The following SYN3 variants were observed in gnomAD, a reference collection of about 807,000 sequenced individuals.
SYN3 encodes synapsin III.
SYN3 carries 35 observed loss-of-function variants against 65.8 expected under a neutral mutation model. The ratio of observed to expected loss-of-function variants is 0.53; its 90% CI spans 0.41 to 0.70. SYN3 has a LOEUF of 0.70. SYN3 is among the 30% of genes least tolerant of loss of function. The pLI is 0.00. For synonymous variants in SYN3, 270 were observed against 292.9 expected (o/e 0.92, Z 0.80); for missense variants, 680 against 749.0 (o/e 0.91, Z 1.08).
rs112120878 is a variant in SYN3, at chr22:32,941,662, C to T, written c.370-10181G>A. Among the ~76,000 whole-genome samples the T allele has an allele frequency of 5.1e-4, 77 of 152,250 alleles. 1 individual carries two copies. The South Asian group carries it at 0.012, about 25-fold the overall frequency. ...AAGCAGGGCGAGGCATCGCCTCACC[C>T]GGGAAGCGCAAGGGGTAAGGGAATT... On this transcript the variant is annotated intron_variant, in intron 3 of 13. Transcript: ENST00000358763.
At chr22:32,652,199 G>A (rs552707384) in intron 6 of SYN3, among the ~76,000 whole-genome samples, 3 of 152,040 alleles carry the variant, frequency 2.0e-5, no homozygotes, top group East Asian at 3.9e-4. Flanking sequence ...TCTCCTCCCC[G>A]CTAGTCCCCA....
intron 3 of SYN3, among the ~76,000 whole-genome samples, chr22:32,958,848 C>T (rs376762910): frequency 2.6e-5 from 4 of 151,928 alleles, no homozygotes; most frequent in Non-Finnish European, 5.9e-5. Flanking sequence ...TTCCAACATG[C>T]GGCAAAGTCC....
chr22:32,976,994 T>TG (rs133920), intron 3 of SYN3, among the ~76,000 whole-genome samples: 7,621 of 148,406 alleles, frequency 0.051, 204 homozygotes, highest in South Asian at 0.079. Context: ...GTGAGATTCC[T>TG]GGGGGGGGGG....
intron 12 of SYN3, chr22:32,527,571 G>T: frequency 5.0e-6 from 1 of 201,642 alleles, no homozygotes; most frequent in East Asian, 1.6e-4. Context: ...CTGCACTCCA[G>T]CCTGGCGACA....
Position 32,512,655 on chromosome 22 carries a change from C to G in SYN3, c.*1037G>C, listed in dbSNP as rs935708852. ...AAAAAAAGAAATACAAACAGCGGTT[C>G]CTAAACATATTTGGCCATGGGGCCC... On this transcript the variant is annotated 3_prime_UTR_variant, in exon 14 of 14. Transcript: ENST00000358763. 20 of 152,232 alleles carry G rather than the reference C, an allele frequency of 1.3e-4. No homozygotes were observed. Among genetic ancestry groups the G allele is most frequent in the Non-Finnish European group, 2.4e-4 (16 of 68,044 alleles). 9.4% of individuals were successfully genotyped at this position (152,232 alleles called of 1,614,324 possible). A position where few individuals can be genotyped will look rare whatever the true frequency, so the allele number is the denominator to read the frequency against.
intron 7 of SYN3, among the ~76,000 whole-genome samples, chr22:32,590,467 T>G (rs1414227093): frequency 6.6e-6 from 1 of 152,232 alleles, no homozygotes; most frequent in Non-Finnish European, 1.5e-5. Flanking sequence ...ACATATGAAT[T>G]TCCAGCAATT....
At chr22:32,743,525 C>G (rs577027755) in intron 6 of SYN3, among the ~76,000 whole-genome samples, 2 of 152,118 alleles carry the variant, frequency 1.3e-5, no homozygotes, top group Admixed American at 1.3e-4. Flanking sequence ...CTGAGACAAC[C>G]GTCCATGCTG....
chr22:32,689,127 C>T (rs1406280176), intron 6 of SYN3, among the ~76,000 whole-genome samples: 1 of 152,152 alleles, frequency 6.6e-6, no homozygotes, highest in Non-Finnish European at 1.5e-5. Context: ...GTAGCAGGTA[C>T]ATTGAAGACT....
At chr22:32,965,096 G>A (rs982576933) in intron 3 of SYN3, among the ~76,000 whole-genome samples, 1 of 152,194 alleles carries the variant, frequency 6.6e-6, no homozygotes, top group Non-Finnish European at 1.5e-5. Context: ...GTCGCCTCGG[G>A]CAGGACACTT....
chr22:32,761,909 G>A (rs1334505428), intron 6 of SYN3, among the ~76,000 whole-genome samples: 1 of 152,160 alleles, frequency 6.6e-6, no homozygotes, highest in Non-Finnish European at 1.5e-5. Flanking sequence ...TACGGGATGG[G>A]GAAGGGGAAG....
chr22:32,843,405 G>A (rs919085568), intron 6 of SYN3, among the ~76,000 whole-genome samples: 1 of 152,160 alleles, frequency 6.6e-6, no homozygotes, highest in Admixed American at 6.5e-5. Flanking sequence ...CCCTCCTTGG[G>A]CAGGCTACAT....
intron 2 of SYN3, among the ~76,000 whole-genome samples, chr22:33,005,258 G>C (rs913115218): frequency 6.6e-6 from 1 of 152,116 alleles, no homozygotes; most frequent in Non-Finnish European, 1.5e-5. Context: ...ATGCGACCCT[G>C]TTCTCCATCC....
intron 6 of SYN3, among the ~76,000 whole-genome samples, chr22:32,811,695 G>T (rs554595701): frequency 6.6e-6 from 1 of 152,196 alleles, no homozygotes; most frequent in African/African-American, 2.4e-5. Flanking sequence ...GGTGATTGGG[G>T]GGTCGGTCAT....
At chr22:32,752,901 C>T (rs1438616520) in intron 6 of SYN3, among the ~76,000 whole-genome samples, 1 of 152,044 alleles carries the variant, frequency 6.6e-6, no homozygotes, top group Non-Finnish European at 1.5e-5. Context: ...AGAAATGGAG[C>T]GGGGGTGAGT....
intron 6 of SYN3, among the ~76,000 whole-genome samples, chr22:32,607,220 C>T (rs756434272): frequency 6.3e-4 from 96 of 152,242 alleles, no homozygotes; most frequent in Non-Finnish European, 1.2e-3. Flanking sequence ...CCAAGAGAAG[C>T]GGTGGGGCAG....
chr22:32,900,408 A>G (rs1166529416), intron 4 of SYN3, among the ~76,000 whole-genome samples: 1 of 152,202 alleles, frequency 6.6e-6, no homozygotes, highest in Non-Finnish European at 1.5e-5. Flanking sequence ...TTCATTTTTT[A>G]AAACCCATTG....
At chr22:32,650,566 T>C (rs2060055511) in intron 6 of SYN3, among the ~76,000 whole-genome samples, 1 of 152,048 alleles carries the variant, frequency 6.6e-6, no homozygotes, top group Non-Finnish European at 1.5e-5. Flanking sequence ...GGCTGCACTT[T>C]ACACTTTTAT....
chr22:32,736,735 G>C (rs1001115680), intron 6 of SYN3, among the ~76,000 whole-genome samples: 2 of 152,100 alleles, frequency 1.3e-5, no homozygotes, highest in South Asian at 2.1e-4. Flanking sequence ...GAGAAACAGA[G>C]ACAGGAATGG....
At chr22:32,860,005 G>GCA (rs965462727) in intron 6 of SYN3, 3 of 153,978 alleles carry the variant, frequency 1.9e-5, no homozygotes, top group African/African-American at 7.2e-5. Context: ...AGATGATGCA[G>GCA]CACACACACA....
Sources: allele counts gnomAD v4.1 joint callset (sites outside exome capture counted in the v4.1 genomes callset), GRCh38; gene constraint gnomAD v4.1.1; transcripts MANE v1.5; gene names NCBI Gene and HGNC (gene_info 2026-07-23, HGNC 2026-07-21).